Variants in DLX1 observed in about 807,000 individuals in gnomAD.
DLX1 encodes distal-less homeobox 1.
DLX1 carries 7 observed loss-of-function variants against 25.0 expected under a neutral mutation model. That is an observed-to-expected ratio of 0.28 (90% CI 0.16 to 0.52). The LOEUF (loss-of-function observed/expected upper bound fraction) is 0.52. Ranked by LOEUF, DLX1 falls within the 20% of genes least tolerant of loss-of-function variation. The pLI, the probability that DLX1 is intolerant of heterozygous loss-of-function variation, is 0.96. For missense variants in DLX1, 233 were observed against 334.4 expected, an observed-to-expected ratio of 0.70 and a Z score of 2.37; for synonymous variants, 155 against 140.3, an observed-to-expected ratio of 1.10 and a Z score of -0.74.
chr2:172,086,425 T>G, intron 1 of DLX1: 1 of 489,316 alleles, frequency 2.0e-6, no homozygotes, highest in Non-Finnish European at 3.6e-6. Context: ...TAGCAAACTT[T>G]CCCTGCAAAG....
At chr2:172,086,912 C>A in intron 2 of DLX1, 59 bp downstream of exon 2, 7 of 1,571,554 alleles carry the variant, frequency 4.5e-6, no homozygotes, top group Non-Finnish European at 4.4e-6. Flanking sequence ...GGCCTGCGCC[C>A]GGGTCTTCAT....
In DLX1 at chr2:172,085,725, C is replaced by T. The variant is rs760716095; in HGVS notation, c.48C>T (p.Gly16=). 1.2e-6 allele frequency: 2 copies of T among 1,614,156 alleles called. No individual in the cohort carries two copies. Among genetic ancestry groups the T allele is most frequent in the South Asian group, 1.1e-5 (1 of 91,076 alleles). The change falls in exon 1 of 3, where the codon GGC becomes GGT. Residue 16 remains glycine, a synonymous_variant. Transcript: ENST00000361725. The surrounding 1 kb of genome is among the most constrained non-coding windows in gnomAD (Gnocchi z 4.3). Reference sequence around the variant, plus strand: ...AAAGTCTCAACAGCCCCGTGTCGGGCAAGGCGGTGTTTATGGAGTTTGGGC... The same window carrying T: ...AAAGTCTCAACAGCCCCGTGTCGGGTAAGGCGGTGTTTATGGAGTTTGGGC... ...MPESLNSPVS[G]KAVFMEFGPP... is the part of the protein sequence containing the mutation.
chr2:172,088,154 C>T lies in DLX1; in HGVS notation c.665C>T (p.Ser222Phe), dbSNP rs1394180707. Residue 222 changes from serine (S) to phenylalanine (F), a missense_variant, in exon 3 of 3, where the codon TCC becomes TTC. By Grantham distance (155) the Ser-to-Phe change is radical. This residue lies in a region of DLX1 where 84 missense variants were observed against 81.8 expected (regional missense o/e 1.03). Coordinates refer to ENST00000361725, the MANE Select transcript of DLX1 (RefSeq NM_178120.5). ...CCCGGCTGGAACCCTAACTCTTCAT[C>T]CGGGAAGGGCTCAGGAGGAAACGCG... ...VPPGWNPNSS[S>F]GKGSGGNAGS... 6.2e-7 allele frequency: 1 copy of T among 1,610,866 alleles called. No homozygotes were observed. The highest frequency in any genetic ancestry group is 8.5e-7 in the Non-Finnish European group (1 of 1,178,448).
chr2:172,089,562 A>T lies in DLX1; in HGVS notation c.*1305A>T, dbSNP rs1690936147. The T allele has an allele frequency of 1.3e-5, 2 of 152,648 alleles. No individual in the cohort carries two copies. The highest frequency in any genetic ancestry group is 2.9e-5 in the Non-Finnish European group (2 of 68,042). The allele number at this position is 152,648 out of a possible 1,614,324, so 9.5% of individuals were successfully genotyped here. On this transcript the variant is annotated 3_prime_UTR_variant, in exon 3 of 3. Transcript: ENST00000361725. ...AACTGTGTTTTGTGTTCTCTATGTCAAAGTTTAGTTTTATATTGAGAATGT... is the reference window on the plus strand; with the variant it reads ...AACTGTGTTTTGTGTTCTCTATGTCTAAGTTTAGTTTTATATTGAGAATGT...
At position 172,085,966 on chromosome 2, in the gene DLX1, G is replaced by A; in HGVS notation, c.289G>A (p.Ala97Thr). 1 of 1,613,204 alleles carries A rather than the reference G, an allele frequency of 6.2e-7. No individual in the cohort carries two copies. Among genetic ancestry groups the A allele is most frequent in the Non-Finnish European group, 8.5e-7 (1 of 1,179,436 alleles). ...GTCCTACCCGGGCAGCGCCAGCCTC[G>A]CCCAGAGCCGCCTGGAGGACCCAGG... ...VQSYPGSASL[A>T]QSRLEDPGAD... The change falls in exon 1 of 3, where the codon GCC becomes ACC. Residue 97 changes from alanine to threonine, a missense_variant. Around this residue, in one of 3 missense-constraint regions of DLX1, gnomAD observed 126 missense variants for 170.4 expected, o/e 0.74. Coordinates refer to ENST00000361725, the MANE Select transcript of DLX1 (RefSeq NM_178120.5). This position sits in a 1 kb window ranked among gnomAD's most constrained non-coding sequence, Gnocchi z 4.3.
chr2:172,086,617 G>C, intron 1 of DLX1, 37 bp from the exon 2 acceptor site: 3 of 1,509,536 alleles, frequency 2.0e-6, no homozygotes, highest in South Asian at 1.3e-5. Flanking sequence ...GCGGCCCCTC[G>C]TATTAACAAC....
chr2:172,085,638 A>G lies in DLX1; in HGVS notation c.-40A>G, dbSNP rs1356354463. 1.9e-6 allele frequency: 3 copies of G among 1,581,320 alleles called. No individual in the cohort carries two copies. The highest frequency in any genetic ancestry group is 2.6e-6 in the Non-Finnish European group (3 of 1,164,360). ...ACATAGAGACCCCCAAAAGGGAAGC[A>G]GAGGAGAGAAAGTCCCACACCCAGA... On this transcript the variant is annotated 5_prime_UTR_variant, in exon 1 of 3. Transcript: ENST00000361725. The surrounding 1 kb of genome is among the most constrained non-coding windows in gnomAD (Gnocchi z 4.3).
In DLX1 at chr2:172,085,545, C is replaced by T. The variant is rs1383702510; in HGVS notation, c.-133C>T. ...TTAGACTTTTCAAAGAGACAAACTCCATTTTCTTATGAATGGAAAGTGAAA... is the reference window on the plus strand; with the variant it reads ...TTAGACTTTTCAAAGAGACAAACTCTATTTTCTTATGAATGGAAAGTGAAA... On this transcript the variant is annotated 5_prime_UTR_variant, in exon 1 of 3. Transcript: ENST00000361725. This position sits in a 1 kb window ranked among gnomAD's most constrained non-coding sequence, Gnocchi z 4.3. The T allele has an allele frequency of 8.5e-6, 8 of 941,822 alleles. No homozygotes were observed. Among genetic ancestry groups the T allele is most frequent in the African/African-American group, 1.7e-5 (1 of 60,194 alleles). 58.3% of individuals were successfully genotyped at this position (941,822 alleles called of 1,614,324 possible).
chr2:172,085,908 C>T lies in DLX1; in HGVS notation c.231C>T (p.Ser77=). ...ACCCCTACGTCAACTCGGTCAGCAG[C>T]CACGCATCCAGCCCCTACATCAGTT... is the stretch of plus-strand genomic sequence containing the variant. The part of the protein sequence containing the change: ...LGYPYVNSVS[S]HASSPYISSV... The change falls in exon 1 of 3, where the codon AGC becomes AGT. Residue 77 remains serine (S), a synonymous_variant. Coordinates refer to ENST00000361725, the MANE Select transcript of DLX1 (RefSeq NM_178120.5). The surrounding 1 kb of genome is among the most constrained non-coding windows in gnomAD (Gnocchi z 4.3). The T allele has an allele frequency of 6.2e-7, 1 of 1,614,208 alleles. No individual in the cohort carries two copies. Among genetic ancestry groups the T allele is most frequent in the Non-Finnish European group, 8.5e-7 (1 of 1,180,036 alleles).
intron 2 of DLX1, chr2:172,087,582 G>A (rs780423990): frequency 2.1e-6 from 1 of 469,942 alleles, no homozygotes; most frequent in South Asian, 1.5e-5. Flanking sequence ...GGGTCGCGTT[G>A]CAAATAAATT....
At chr2:172,087,395 T>C in intron 2 of DLX1, 1 of 409,874 alleles carries the variant, frequency 2.4e-6, no homozygotes, top group South Asian at 1.7e-5. Flanking sequence ...TGAGCGTTCC[T>C]GACGGCGGCG....
Position 172,086,635 on chromosome 2 carries a change from A to C in DLX1, c.314-19A>C, listed in dbSNP as rs181014800. 3 of 1,517,196 alleles carry C rather than the reference A, an allele frequency of 2.0e-6. No homozygotes were observed. The African/African-American group carries it at 4.2e-5, about 21-fold the overall frequency. The allele number at this position is 1,517,196 out of a possible 1,614,324, so 94.0% of individuals were successfully genotyped here. A position where few individuals can be genotyped will look rare whatever the true frequency, so the allele number is the denominator to read the frequency against. On this transcript the variant is annotated intron_variant, in intron 1 of 2. Coordinates refer to ENST00000361725, the MANE Select transcript of DLX1 (RefSeq NM_178120.5). The stretch of plus-strand genomic sequence containing the variant: ...GCCCCTCGTATTAACAACGGGCCCT[A>C]CTTCTGCTGTCCCTCCAGGGGCGGA...
Position 172,085,831 on chromosome 2 carries a change from C to T in DLX1, c.154C>T (p.Gln52Ter). 6.2e-7 allele frequency: 1 copy of T among 1,614,252 alleles called. No individual in the cohort carries two copies. The highest frequency in any genetic ancestry group is 8.5e-7 in the Non-Finnish European group (1 of 1,180,054). Residue 52 changes from glutamine (Q) to a stop codon, truncating the protein, a stop_gained, in exon 1 of 3, where the codon CAG becomes TAG. Coordinates refer to ENST00000361725, the MANE Select transcript of DLX1 (RefSeq NM_178120.5). LOFTEE classifies it high-confidence loss of function. The surrounding 1 kb of genome is among the most constrained non-coding windows in gnomAD (Gnocchi z 4.3). ...CTGTTTACACTCGGCGGGCCATTCG[C>T]AGCCCGACGGCGCCTACAGCTCAGC... ...MHCLHSAGHS[Q>*]PDGAYSSASS...
chr2:172,086,511 C>T, intron 1 of DLX1, 143 bp from the exon 2 acceptor site: 3 of 822,778 alleles, frequency 3.6e-6, no homozygotes, highest in East Asian at 2.8e-5. Flanking sequence ...TTTGGGGGAC[C>T]CTTCCCTGGC....
Position 172,087,935 on chromosome 2 carries a change from T to C in DLX1, c.514-68T>C. The C allele has an allele frequency of 3.3e-6, 5 of 1,504,150 alleles. No homozygotes were observed. In the South Asian group the frequency reaches 6.9e-5, roughly 21 times the overall value. 93.2% of individuals were successfully genotyped at this position (1,504,150 alleles called of 1,614,324 possible). A position where few individuals can be genotyped will look rare whatever the true frequency, so the allele number is the denominator to read the frequency against. ...ATCTCTGCTGTTCTGCGGTCCCTTTTTTCCTCCCTGTGACCTAGGTAGGCT... is the reference window on the plus strand; with the variant it reads ...ATCTCTGCTGTTCTGCGGTCCCTTTCTTCCTCCCTGTGACCTAGGTAGGCT... On this transcript the variant is annotated intron_variant, in intron 2 of 2. Coordinates refer to ENST00000361725, the MANE Select transcript of DLX1 (RefSeq NM_178120.5).
In DLX1 at chr2:172,089,422, C is replaced by T. The variant is rs1240938939; in HGVS notation, c.*1165C>T. The T allele has an allele frequency of 6.6e-6, 1 of 152,580 alleles. No individual in the cohort carries two copies. Among genetic ancestry groups the T allele is most frequent in the Non-Finnish European group, 1.5e-5 (1 of 68,034 alleles). 9.5% of individuals were successfully genotyped at this position (152,580 alleles called of 1,614,324 possible). A position where few individuals can be genotyped will look rare whatever the true frequency, so the allele number is the denominator to read the frequency against. ...TTATTGTTGTTCTGTAAACATGTTG[C>T]ACAAGCTTAGCCTTTTTGCGTTCTG... On this transcript the variant is annotated 3_prime_UTR_variant, in exon 3 of 3. Coordinates refer to ENST00000361725, the MANE Select transcript of DLX1 (RefSeq NM_178120.5).
rs1690912997 is a variant in DLX1, at chr2:172,088,711, G to A, written c.*454G>A. 1.3e-5 allele frequency: 2 copies of A among 153,828 alleles called. No individual in the cohort carries two copies. The highest frequency in any genetic ancestry group is 2.1e-4 in the South Asian group (1 of 4,842). 9.5% of individuals were successfully genotyped at this position (153,828 alleles called of 1,614,324 possible). On this transcript the variant is annotated 3_prime_UTR_variant, in exon 3 of 3. Coordinates refer to ENST00000361725, the MANE Select transcript of DLX1 (RefSeq NM_178120.5). ...ATCCGTCCGCTGTCCTCATTCTGCG[G>A]CCTCAGCAAAAAGCCACAAGGTCTG...
chr2:172,086,357 C>A (rs1287097336), intron 1 of DLX1: 2 of 472,760 alleles, frequency 4.2e-6, no homozygotes, highest in South Asian at 4.1e-5. Context: ...TATTGCGTAG[C>A]GCTATAAACA....
chr2:172,086,665 GAGA>G lies in DLX1; in HGVS notation c.329_331del (p.Lys110del). On this transcript the variant is annotated inframe_deletion, in exon 2 of 3. Coordinates refer to ENST00000361725, the MANE Select transcript of DLX1 (RefSeq NM_178120.5). ...TGCTGTCCCTCCAGGGGCGGACTCG[GAGA>G]AGAGCACGGTGGTGGAAGGCGGTGA... is the stretch of plus-strand genomic sequence containing the variant. 1 of 1,532,966 alleles carries G rather than the reference GAGA, an allele frequency of 6.5e-7. No homozygotes were observed. The highest frequency in any genetic ancestry group is 8.8e-7 in the Non-Finnish European group (1 of 1,139,782). 95.0% of individuals were successfully genotyped at this position (1,532,966 alleles called of 1,614,324 possible).
Sources: allele counts gnomAD v4.1 joint callset, GRCh38; gene constraint gnomAD v4.1.1; regional missense constraint gnomAD v4.1.1; non-coding constraint Gnocchi (gnomAD v3.1); transcripts MANE v1.5; gene names NCBI Gene and HGNC (gene_info 2026-07-23, HGNC 2026-07-21).